Variants in ABLIM1 observed in about 807,000 individuals in gnomAD.
ABLIM1 encodes actin binding LIM protein 1, also known as actin-binding LIM protein 1.
Under a neutral mutation model 107.0 loss-of-function variants are expected in ABLIM1, and 40 were observed. That is an observed-to-expected ratio of 0.37 (90% CI 0.29 to 0.49). ABLIM1 has a LOEUF of 0.49. Among genes scored for constraint, ABLIM1 ranks in the 20% least tolerant of loss-of-function variants. The pLI, the probability that ABLIM1 is intolerant of heterozygous loss-of-function variation, is 0.97. For missense variants in ABLIM1, 857 were observed against 1,008.5 expected (o/e 0.85, Z 2.04); for synonymous variants, 357 against 357.3 (o/e 1.00, Z 0.01).
At chr10:114,574,235 G>C (rs1258625332) in intron 3 of ABLIM1, among the ~76,000 whole-genome samples, 1 of 152,122 alleles carries the variant, frequency 6.6e-6, no homozygotes, top group African/African-American at 2.4e-5. Flanking sequence ...ACTTGAAAAG[G>C]CACTGGATTG....
intron 4 of ABLIM1, among the ~76,000 whole-genome samples, chr10:114,568,160 G>A (rs1017014998): frequency 1.5e-5 from 2 of 130,124 alleles, no homozygotes; most frequent in South Asian, 4.8e-4. Flanking sequence ...ACTGCAGTCC[G>A]CAGTCCAGCC....
chr10:114,651,840 G>C (rs1001965603), intron 1 of ABLIM1, among the ~76,000 whole-genome samples: 3 of 152,126 alleles, frequency 2.0e-5, no homozygotes, highest in Admixed American at 2.0e-4. Flanking sequence ...CTGCTGTTTG[G>C]GGGGAACCAT....
At chr10:114,678,468 A>G (rs1214515034) in intron 1 of ABLIM1, among the ~76,000 whole-genome samples, 4 of 152,150 alleles carry the variant, frequency 2.6e-5, no homozygotes, top group Non-Finnish European at 4.4e-5. Flanking sequence ...TATTTCTTTC[A>G]GTAGTCTAGG....
chr10:114,450,041 C>T (rs542223466), intron 14 of ABLIM1: 91 of 336,094 alleles, frequency 2.7e-4, no homozygotes, highest in African/African-American at 2.0e-3. Context: ...AGAGGAGGAC[C>T]TAAAGATAGT....
At chr10:114,617,852 C>T (rs1174444091) in intron 1 of ABLIM1, among the ~76,000 whole-genome samples, 2 of 152,120 alleles carry the variant, frequency 1.3e-5, no homozygotes, top group African/African-American at 4.8e-5. Context: ...CGGTGGCTCA[C>T]ATGTGTAATC....
rs1363338343 is a variant in ABLIM1, at chr10:114,441,761, A to G, written c.1959T>C (p.Thr653=). Reference sequence around the variant, plus strand: ...TTCTTCCATAGCCAGGGAGAGATGCAGTTTTAGATGATGGAATATGTGAAG... The same window carrying G: ...TTCTTCCATAGCCAGGGAGAGATGCGGTTTTAGATGATGGAATATGTGAAG... ...NSASHIPSSK[T]ASLPGYGRNG... is the part of the protein sequence containing the mutation. Residue 653 remains threonine (T), a synonymous_variant, in exon 18 of 23, where the codon ACT becomes ACC. Transcript: ENST00000533213. 6 of 1,613,972 alleles carry G rather than the reference A, an allele frequency of 3.7e-6. No homozygotes were observed. The East Asian group carries it at 1.1e-4, about 30-fold the overall frequency.
intron 1 of ABLIM1, among the ~76,000 whole-genome samples, chr10:114,702,735 G>C (rs962971538): frequency 6.6e-6 from 1 of 151,704 alleles, no homozygotes; most frequent in Non-Finnish European, 1.5e-5. Flanking sequence ...CCGTAGTCTC[G>C]ATCTCCTGAC....
intron 6 of ABLIM1, among the ~76,000 whole-genome samples, chr10:114,538,777 C>A (rs563978192): frequency 6.6e-6 from 1 of 152,334 alleles, no homozygotes; most frequent in Admixed American, 6.5e-5. Flanking sequence ...AAGTACCACT[C>A]TGCAGTGTGG....
intron 7 of ABLIM1, among the ~76,000 whole-genome samples, chr10:114,488,579 C>T (rs191548570): frequency 1.8e-4 from 27 of 152,200 alleles, no homozygotes; most frequent in South Asian, 6.2e-4. Flanking sequence ...CCAAAAATTG[C>T]CTTTGGCCTT....
At chr10:114,694,698 A>G (rs893444718) in intron 1 of ABLIM1, among the ~76,000 whole-genome samples, 5 of 152,232 alleles carry the variant, frequency 3.3e-5, no homozygotes, top group Non-Finnish European at 7.3e-5. Context: ...AAAAAAAGAC[A>G]TTAAGTACTA....
chr10:114,477,515 C>G (rs1035861241), intron 8 of ABLIM1, among the ~76,000 whole-genome samples: 2 of 152,204 alleles, frequency 1.3e-5, no homozygotes, highest in Non-Finnish European at 2.9e-5. Context: ...GGCAAGGATA[C>G]TTTCAGCCTT....
rs753695551 is a variant in ABLIM1 at position 114,545,071 on chromosome 10, G to C, written c.828C>G (p.Asp276Glu). Residue 276 changes from aspartate to glutamate, a missense_variant, in exon 6 of 23, where the codon GAC becomes GAG. Physicochemically the swap from Asp to Glu is conservative, Grantham distance 45 (BLOSUM62 2). Around this residue, in one of 5 missense-constraint regions of ABLIM1, gnomAD observed 381 missense variants for 506.9 expected, o/e 0.75. Coordinates refer to ENST00000533213, the MANE Select transcript of ABLIM1 (RefSeq NM_002313.7). Reference protein sequence around the residue: ...SKDGAPYCEKDYQGLFGVKCE... With the variant: ...SKDGAPYCEKEYQGLFGVKCE... ...ATTTCACCCCAAAGAGTCCCTGGTA[G>C]TCCTTTTCACAGTACGGAGCACCAT... 1.2e-6 allele frequency: 2 copies of C among 1,614,150 alleles called. No individual in the cohort carries two copies. The highest frequency in any genetic ancestry group is 1.7e-6 in the Non-Finnish European group (2 of 1,180,026).
At chr10:114,455,812 CTTTT>C (rs11285756) in intron 12 of ABLIM1, among the ~76,000 whole-genome samples, 9 of 139,546 alleles carry the variant, frequency 6.4e-5, no homozygotes, top group African/African-American at 1.1e-4. Context: ...GAAACTGCAA[CTTTT>C]TTTTTTTTTT....
chr10:114,714,408 T>C (rs2141979676), intron 1 of ABLIM1, among the ~76,000 whole-genome samples: 2 of 152,238 alleles, frequency 1.3e-5, no homozygotes, highest in Middle Eastern at 6.8e-3. Flanking sequence ...AACACAGCCA[T>C]TTAAAAAGAG....
intron 1 of ABLIM1, among the ~76,000 whole-genome samples, chr10:114,654,258 G>A (rs571088711): frequency 6.6e-6 from 1 of 152,226 alleles, no homozygotes; most frequent in Admixed American, 6.5e-5. Flanking sequence ...CAGCATGGAA[G>A]GCAAACAATA....
chr10:114,640,567 A>AAC (rs2078698517), intron 1 of ABLIM1, among the ~76,000 whole-genome samples: 2 of 148,012 alleles, frequency 1.4e-5, no homozygotes, highest in Admixed American at 6.8e-5. Context: ...ACAACAACAA[A>AAC]AAACAGTTGA....
the ABLIM1 span, among the ~76,000 whole-genome samples, chr10:114,798,432 A>C: frequency 7.3e-5 from 11 of 151,450 alleles, no homozygotes; most frequent in African/African-American, 1.9e-4. Context: ...TTAAAAAAAA[A>C]AACAACATGG....
intron 1 of ABLIM1, among the ~76,000 whole-genome samples, chr10:114,651,989 A>G (rs1029307110): frequency 1.3e-5 from 2 of 152,244 alleles, no homozygotes; most frequent in African/African-American, 4.8e-5. Flanking sequence ...CAAAGCCATC[A>G]GTCAGGAGAG....
intron 1 of ABLIM1, chr10:114,613,860 C>T (rs1290148316): frequency 4.0e-5 from 13 of 324,722 alleles, no homozygotes; most frequent in Non-Finnish European, 4.9e-5. Context: ...TGGGTGTAAC[C>T]TCTGCAAGAA....
Sources: gnomAD v4.1 joint callset for allele counts (sites outside exome capture counted in the v4.1 genomes callset) on GRCh38, gnomAD v4.1.1 for gene constraint, gnomAD v4.1.1 regional missense constraint, MANE v1.5 for transcripts, NCBI Gene and HGNC (gene_info 2026-07-23, HGNC 2026-07-21) for gene names.